Variants in CMTR1 observed in about 807,000 individuals in gnomAD.
CMTR1 encodes cap methyltransferase 1.
A neutral mutation model predicts 107.0 loss-of-function variants in CMTR1; 39 were observed. The ratio of observed to expected loss-of-function variants is 0.36; its 90% CI spans 0.28 to 0.48. CMTR1 has a LOEUF of 0.48. Ranked by LOEUF, CMTR1 falls within the 20% of genes least tolerant of loss-of-function variation. The pLI, the probability that CMTR1 is intolerant of heterozygous loss-of-function variation, is 0.99. For missense variants in CMTR1, 672 were observed against 1,064.9 expected (o/e 0.63, Z 5.14); for synonymous variants, 366 against 379.5 (o/e 0.96, Z 0.41).
intron 4 of CMTR1, 63 bp downstream of exon 4, chr6:37,446,512 G>C: frequency 6.5e-7 from 1 of 1,541,342 alleles, no homozygotes; most frequent in Non-Finnish European, 8.8e-7. Flanking sequence ...ATGGCTTTAA[G>C]AAGCCATATC....
chr6:37,478,660 G>GCAT (rs1340748802), intron 22 of CMTR1, 139 bp downstream of exon 22: 1 of 677,404 alleles, frequency 1.5e-6, no homozygotes, highest in African/African-American at 1.8e-5. Flanking sequence ...TTTCTCTGAG[G>GCAT]CATATGTTAG....
rs1761830765 is a variant in CMTR1 at position 37,480,369 on chromosome 6, C to T, written c.*224C>T. On this transcript the variant is annotated 3_prime_UTR_variant, in exon 24 of 24. Transcript: ENST00000373451. ...GGGACACCTGCCTGGGAACTTTCCC[C>T]TGCCAGGACTCAGCCTGAAGGAAGC... 7 of 1,347,500 alleles carry T rather than the reference C, an allele frequency of 5.2e-6. No homozygotes were observed. Among genetic ancestry groups the T allele is most frequent in the Middle Eastern group, 2.7e-4 (1 of 3,666 alleles). The allele number at this position is 1,347,500 out of a possible 1,614,324, so 83.5% of individuals were successfully genotyped here.
At chr6:37,470,871 T>C in intron 13 of CMTR1, 150 bp from the exon 14 acceptor site, 1 of 546,146 alleles carries the variant, frequency 1.8e-6, no homozygotes, top group Non-Finnish European at 3.1e-6. Context: ...ATAACTGCAC[T>C]GTGGGGTAGG....
intron 1 of CMTR1, among the ~76,000 whole-genome samples, chr6:37,434,366 C>T (rs755134053): frequency 2.6e-5 from 4 of 152,106 alleles, no homozygotes; most frequent in African/African-American, 9.7e-5. Context: ...CTTGCTGTAC[C>T]TCGCCTTCCC....
chr6:37,448,589 T>G (rs1771860727), intron 4 of CMTR1, among the ~76,000 whole-genome samples: 1 of 152,188 alleles, frequency 6.6e-6, no homozygotes. Context: ...CTTCAGTAAT[T>G]TTTCTTTTCA....
intron 1 of CMTR1, among the ~76,000 whole-genome samples, chr6:37,434,482 C>G (rs1771476567): frequency 2.6e-5 from 4 of 152,184 alleles, no homozygotes; most frequent in Admixed American, 2.6e-4. Flanking sequence ...CACTACTTCT[C>G]TTGCTTGCTC....
At chr6:37,449,855 C>G (rs1771893932) in intron 4 of CMTR1, among the ~76,000 whole-genome samples, 1 of 152,170 alleles carries the variant, frequency 6.6e-6, no homozygotes, top group South Asian at 2.1e-4. Context: ...TTGTCATAGA[C>G]CTACATTGTA....
intron 8 of CMTR1, among the ~76,000 whole-genome samples, 156 bp downstream of exon 8, chr6:37,453,468 C>T (rs1175711602): frequency 1.3e-5 from 2 of 152,204 alleles, no homozygotes; most frequent in African/African-American, 4.8e-5. Context: ...CACAGTGCTT[C>T]TGTGGTCCCA....
intron 4 of CMTR1, among the ~76,000 whole-genome samples, chr6:37,448,936 A>G (rs1369656049): frequency 6.6e-6 from 1 of 151,980 alleles, no homozygotes; most frequent in Non-Finnish European, 1.5e-5. Flanking sequence ...CATCAGTACT[A>G]TTTTTTATTT....
At chr6:37,453,391 C>A in intron 8 of CMTR1, 79 bp downstream of exon 8, 1 of 1,284,500 alleles carries the variant, frequency 7.8e-7, no homozygotes, top group South Asian at 1.2e-5. Flanking sequence ...GCCATTTGTT[C>A]AATGCTAGGA....
intron 20 of CMTR1, 78 bp downstream of exon 20, chr6:37,476,272 C>A: frequency 6.9e-7 from 1 of 1,455,412 alleles, no homozygotes; most frequent in Non-Finnish European, 9.6e-7. Context: ...GACAGGAGGG[C>A]TCAGTGGAGG....
chr6:37,462,942 T>C lies in CMTR1; in HGVS notation c.1439T>C (p.Val480Ala), dbSNP rs1323336970. The C allele has an allele frequency of 6.2e-7, 1 of 1,614,200 alleles. No individual in the cohort carries two copies. The highest frequency in any genetic ancestry group is 8.5e-7 in the Non-Finnish European group (1 of 1,180,042). The change falls in exon 13 of 24, where the codon GTG (valine) becomes GCG (alanine). Residue 480 changes from valine to alanine, a missense_variant. Transcript: ENST00000373451. ...LRNTDSDVNL[V>A]VPLEVIKGDH... Reference sequence around the variant, plus strand: ...AACACGGATTCCGACGTCAACTTGGTGGTCCCCCTGGAGGTGATCAAGGGA... The same window carrying C: ...AACACGGATTCCGACGTCAACTTGGCGGTCCCCCTGGAGGTGATCAAGGGA...
chr6:37,451,251 A>G (rs573059216), intron 5 of CMTR1, among the ~76,000 whole-genome samples: 2 of 152,214 alleles, frequency 1.3e-5, no homozygotes, highest in Admixed American at 6.5e-5. Flanking sequence ...AGGATCCTCA[A>G]TAATTTTTAT....
In CMTR1 at chr6:37,472,483, T is replaced by C. The variant is rs200087608; in HGVS notation, c.1685T>C (p.Ile562Thr). The C allele has an allele frequency of 6.7e-5, 108 of 1,614,088 alleles. 1 individual carries two copies. In the East Asian group the frequency reaches 1.5e-3, roughly 23 times the overall value. Residue 562 changes from isoleucine to threonine, a missense_variant, in exon 16 of 24, where the codon ATC (isoleucine) becomes ACC (threonine). Physicochemically the swap from Ile to Thr is moderately conservative, Grantham distance 89. This residue lies in a region of CMTR1 where 583 missense variants were observed against 968.4 expected (regional missense o/e 0.60). Transcript: ENST00000373451. The surrounding 1 kb of genome is among the most constrained non-coding windows in gnomAD (Gnocchi z 4.1). Reference sequence around the variant, plus strand: ...CCTAAATCGAAGTTCTTTGAGCTAATCCAGGTAAGACTGGTATCTGTGGTG... The same window carrying C: ...CCTAAATCGAAGTTCTTTGAGCTAACCCAGGTAAGACTGGTATCTGTGGTG... ...SDPKSKFFEL[I>T]QGTEIDIFSY...
chr6:37,479,668 G>A (rs956591356), intron 23 of CMTR1, among the ~76,000 whole-genome samples: 1 of 152,214 alleles, frequency 6.6e-6, no homozygotes, highest in African/African-American at 2.4e-5. Context: ...CAGACTGTTG[G>A]TCATAGGCTT....
At chr6:37,451,949 C>A in intron 6 of CMTR1, 72 bp downstream of exon 6, 1 of 1,259,060 alleles carries the variant, frequency 7.9e-7, no homozygotes, top group South Asian at 1.2e-5. Flanking sequence ...TTCCATTTCT[C>A]CTTTGAGTGG....
chr6:37,452,976 T>C lies in CMTR1; in HGVS notation c.610-71T>C, dbSNP rs1322191747. 1.1e-5 allele frequency: 15 copies of C among 1,328,534 alleles called. No homozygotes were observed. In the East Asian group the frequency reaches 3.0e-4, roughly 26 times the overall value. The allele number at this position is 1,328,534 out of a possible 1,614,324, so 82.3% of individuals were successfully genotyped here. A position where few individuals can be genotyped will look rare whatever the true frequency, so the allele number is the denominator to read the frequency against. ...TCTTGTTCCTTGGAGGGCTGTGAGT[T>C]GGGCACTGCAGGGTCTTAAGGTCCC... is the stretch of plus-strand genomic sequence containing the variant. On this transcript the variant is annotated intron_variant, in intron 6 of 23. Coordinates refer to ENST00000373451, the MANE Select transcript of CMTR1 (RefSeq NM_015050.3).
chr6:37,466,927 T>C (rs1220302722), intron 13 of CMTR1, among the ~76,000 whole-genome samples: 1 of 152,140 alleles, frequency 6.6e-6, no homozygotes, highest in Non-Finnish European at 1.5e-5. Context: ...TCCCAGCCCT[T>C]TGGGAGGCTG....
chr6:37,445,788 C>G (rs113035041), intron 3 of CMTR1, among the ~76,000 whole-genome samples: 3 of 151,900 alleles, frequency 2.0e-5, no homozygotes, highest in East Asian at 1.9e-4. Context: ...CCACCGCGCC[C>G]GGTCCCATAC....
Sources: gnomAD v4.1 joint callset for allele counts (sites outside exome capture counted in the v4.1 genomes callset) on GRCh38, gnomAD v4.1.1 for gene constraint, gnomAD v4.1.1 regional missense constraint, Gnocchi (gnomAD v3.1) non-coding constraint, MANE v1.5 for transcripts, NCBI Gene and HGNC (gene_info 2026-07-23, HGNC 2026-07-21) for gene names.